The following BICRAL variants were observed in gnomAD, a reference collection of about 807,000 sequenced individuals.
BICRAL encodes the protein BICRA like chromatin remodeling complex associated protein.
BICRAL carries 8 observed loss-of-function variants against 91.8 expected under a neutral mutation model. The observed-to-expected ratio is 0.09, with a 90% CI of 0.05 to 0.16. BICRAL has a LOEUF of 0.16. Ranked by LOEUF, BICRAL falls within the 10% of genes least tolerant of loss-of-function variation. The pLI is 1.00. For synonymous variants in BICRAL, 445 were observed against 491.1 expected, an observed-to-expected ratio of 0.91 and a Z score of 1.24; for missense variants, 1,038 against 1,310.9, an observed-to-expected ratio of 0.79 and a Z score of 3.21.
intron 6 of BICRAL, among the ~76,000 whole-genome samples, chr6:42,832,661 GA>G (rs1050764194): frequency 6.7e-6 from 1 of 149,914 alleles, no homozygotes; most frequent in Non-Finnish European, 1.5e-5. Flanking sequence ...TTACTACAAA[GA>G]ATTGTCATAT....
chr6:42,784,233 C>T (rs1001241651), intron 1 of BICRAL, among the ~76,000 whole-genome samples: 1 of 152,148 alleles, frequency 6.6e-6, no homozygotes, highest in Admixed American at 6.6e-5. Flanking sequence ...GTCTGAAACT[C>T]TTCTAAAAAG....
chr6:42,832,933 T>TA (rs1238982284), intron 6 of BICRAL, among the ~76,000 whole-genome samples: 2 of 152,176 alleles, frequency 1.3e-5, no homozygotes, highest in Non-Finnish European at 2.9e-5. Flanking sequence ...TACTCAGATT[T>TA]AGTCAGTTCT....
chr6:42,866,980 G>T lies in BICRAL; in HGVS notation c.*1534G>T, dbSNP rs1765724790. ...GGATCCAGAGGTCATTTTTGTTACA[G>T]TGTGTGCACACTCACTCTCCTTCTT... is the stretch of plus-strand genomic sequence containing the variant. On this transcript the variant is annotated 3_prime_UTR_variant, in exon 13 of 13. Coordinates refer to ENST00000314073, the MANE Select transcript of BICRAL (RefSeq NM_001393499.1). 5 of 424,956 alleles carry T rather than the reference G, an allele frequency of 1.2e-5. No homozygotes were observed. In the Admixed American group the frequency reaches 1.3e-4, roughly 11 times the overall value. 26.3% of individuals were successfully genotyped at this position (424,956 alleles called of 1,614,324 possible).
chr6:42,799,795 C>A (rs1763514421), intron 1 of BICRAL, among the ~76,000 whole-genome samples: 2 of 152,078 alleles, frequency 1.3e-5, no homozygotes, highest in South Asian at 4.1e-4. Flanking sequence ...TCTTTAAACT[C>A]TTTGTAGAAA....
chr6:42,825,198 T>C (rs2113947832), intron 5 of BICRAL, among the ~76,000 whole-genome samples: 1 of 140,472 alleles, frequency 7.1e-6, no homozygotes, highest in South Asian at 2.2e-4. Context: ...AGGTGGAGGT[T>C]ACAGTGAGCC....
intron 1 of BICRAL, among the ~76,000 whole-genome samples, chr6:42,773,393 A>G (rs1334116211): frequency 6.6e-6 from 1 of 151,972 alleles, no homozygotes; most frequent in East Asian, 1.9e-4. Context: ...TAAAAAAAAA[A>G]ATTAAAAAAA....
Position 42,807,401 on chromosome 6 carries a change from T to A in BICRAL, c.-101-2905T>A, listed in dbSNP as rs182975149. ...GGTTTCACCATGTTAGCCAGGATGG[T>A]CTCGATCTCCTGACCTTGTGATCCG... On this transcript the variant is annotated intron_variant, in intron 1 of 12. Coordinates refer to ENST00000314073, the MANE Select transcript of BICRAL (RefSeq NM_001393499.1). 3.9e-3 allele frequency among the ~76,000 whole-genome samples: 594 copies of A among 151,704 alleles called. 2 individuals carry two copies. The highest frequency in any genetic ancestry group is 0.014 in the African/African-American group (573 of 41,394).
intron 10 of BICRAL, among the ~76,000 whole-genome samples, chr6:42,858,978 C>T (rs539659304): frequency 2.7e-4 from 41 of 152,218 alleles, no homozygotes; most frequent in African/African-American, 9.6e-4. Flanking sequence ...TCCTCAGCTG[C>T]TACAAGTCTT....
chr6:42,770,416 T>TA (rs1562453035), intron 1 of BICRAL, among the ~76,000 whole-genome samples: 213 of 79,816 alleles, frequency 2.7e-3, no homozygotes, highest in African/African-American at 9.7e-3. Context: ...ATTATTATTT[T>TA]TTTTTTTTTT....
chr6:42,757,503 C>T (rs1468792419), intron 1 of BICRAL, among the ~76,000 whole-genome samples: 1 of 152,188 alleles, frequency 6.6e-6, no homozygotes, highest in Non-Finnish European at 1.5e-5. Context: ...CCACCTGCCT[C>T]GGCCTCCCAT....
intron 6 of BICRAL, among the ~76,000 whole-genome samples, chr6:42,851,648 A>G (rs1765184231): frequency 6.6e-6 from 1 of 152,192 alleles, no homozygotes; most frequent in African/African-American, 2.4e-5. Context: ...CAAAACAATG[A>G]GTGGTGACAA....
chr6:42,796,693 G>A (rs2150912), intron 1 of BICRAL, among the ~76,000 whole-genome samples: 72,088 of 151,830 alleles, frequency 0.47, 18,730 homozygotes, highest in African/African-American at 0.69. Context: ...GTTGGATTCT[G>A]GATGTTTTTT....
chr6:42,779,223 A>AAAAC (rs1762847630), upstream of BICRAL, among the ~76,000 whole-genome samples: 2 of 132,444 alleles, frequency 1.5e-5, no homozygotes, highest in Non-Finnish European at 3.2e-5. Context: ...TCTCAAGAAA[A>AAAAC]ACACACACAC....
intron 6 of BICRAL, among the ~76,000 whole-genome samples, chr6:42,833,336 C>G (rs1764549317): frequency 6.6e-6 from 1 of 152,158 alleles, no homozygotes; most frequent in African/African-American, 2.4e-5. Flanking sequence ...GCGTGAGCCA[C>G]CGCGCCCGGC....
chr6:42,756,564 T>C (rs1762462349), intron 1 of BICRAL, among the ~76,000 whole-genome samples: 1 of 152,090 alleles, frequency 6.6e-6, no homozygotes, highest in Admixed American at 6.6e-5. Context: ...GATGTTTCCA[T>C]GTAACTATCT....
intron 6 of BICRAL, among the ~76,000 whole-genome samples, chr6:42,840,830 T>C (rs567557386): frequency 6.6e-5 from 10 of 151,348 alleles, no homozygotes; most frequent in Admixed American, 6.6e-4. Context: ...TCCCAGCACT[T>C]TGGGAGGCCG....
Position 42,843,322 on chromosome 6 carries a change from C to T in BICRAL, c.1840-8770C>T, listed in dbSNP as rs115490310. On this transcript the variant is annotated intron_variant, in intron 6 of 12. Coordinates refer to ENST00000314073, the MANE Select transcript of BICRAL (RefSeq NM_001393499.1). Reference sequence around the variant, plus strand: ...AGAATGTTCCATGAAATAGAAACAGCAAGTGCAGAGCCTGGAGAGAAAAGA... The same window carrying T: ...AGAATGTTCCATGAAATAGAAACAGTAAGTGCAGAGCCTGGAGAGAAAAGA... Among the ~76,000 whole-genome samples, 337 of 152,148 alleles carry T rather than the reference C, an allele frequency of 2.2e-3. 2 individuals are homozygous for T. The highest frequency in any genetic ancestry group is 6.2e-3 in the African/African-American group (256 of 41,474).
intron 10 of BICRAL, among the ~76,000 whole-genome samples, chr6:42,857,817 T>C (rs1562498139): frequency 1.5e-5 from 2 of 129,702 alleles, no homozygotes; most frequent in Non-Finnish European, 3.2e-5. Context: ...TTTTTTTTTT[T>C]TTTTTTTTTT....
Position 42,830,099 on chromosome 6 carries a change from TTTC to T in BICRAL, c.1773_1775del (p.Ser592del), listed in dbSNP as rs1445318159. 2 of 1,614,150 alleles carry T rather than the reference TTTC, an allele frequency of 1.2e-6. No homozygotes were observed. The highest frequency in any genetic ancestry group is 1.7e-6 in the Non-Finnish European group (2 of 1,179,982). On this transcript the variant is annotated inframe_deletion, in exon 6 of 13. Coordinates refer to ENST00000314073, the MANE Select transcript of BICRAL (RefSeq NM_001393499.1). Reference sequence around the variant, plus strand: ...GTCAGTGTGTCTCATCGTCTTCCAGTTTCTTCTTCCAAGTCTACCAGCACCTTC... The same window carrying T: ...GTCAGTGTGTCTCATCGTCTTCCAGTTTCTTCCAAGTCTACCAGCACCTTC...
Sources: allele counts gnomAD v4.1 joint callset (sites outside exome capture counted in the v4.1 genomes callset), GRCh38; gene constraint gnomAD v4.1.1; transcripts MANE v1.5; gene names NCBI Gene and HGNC (gene_info 2026-07-23, HGNC 2026-07-21).